Variants in FAM114A2 observed in about 807,000 individuals in gnomAD.
The protein encoded by FAM114A2 is family with sequence similarity 114 member A2, also known as protein FAM114A2.
In FAM114A2, 53 loss-of-function variants were observed where a neutral mutation model predicts 58.4. The ratio of observed to expected loss-of-function variants is 0.91; its 90% confidence interval spans 0.73 to 1.14. FAM114A2 has a LOEUF of 1.14. Ranked by LOEUF, FAM114A2 falls within the 50% of genes most tolerant of loss-of-function variation. The pLI is 0.00. For missense variants in FAM114A2, 601 were observed against 581.1 expected, an observed-to-expected ratio of 1.03 and a Z score of -0.35; for synonymous variants, 228 against 211.4, an observed-to-expected ratio of 1.08 and a Z score of -0.68.
intron 1 of FAM114A2, chr5:154,038,267 A>G (rs1772728588): frequency 6.6e-6 from 1 of 152,212 alleles, no homozygotes; most frequent in Non-Finnish European, 1.5e-5. Context: ...TATTACGTAT[A>G]TATACACTCC....
chr5:154,002,393 G>C lies in FAM114A2; in HGVS notation c.1117-3C>G. The C allele has an allele frequency of 6.2e-7, 1 of 1,612,988 alleles. No individual in the cohort carries two copies. The highest frequency in any genetic ancestry group is 8.5e-7 in the Non-Finnish European group (1 of 1,179,110). Reference sequence around the variant, plus strand: ...CGGATTGCAAACGCATGGATATCCTGGATGGAAAAACAAAACAAAGCATAG... The same window carrying C: ...CGGATTGCAAACGCATGGATATCCTCGATGGAAAAACAAAACAAAGCATAG... On this transcript the variant is annotated splice_polypyrimidine_tract_variant and splice_region_variant and intron_variant, in intron 10 of 13. Coordinates refer to ENST00000351797, the MANE Select transcript of FAM114A2 (RefSeq NM_018691.4).
chr5:153,991,364 AG>A lies in FAM114A2; in HGVS notation c.*1611del, dbSNP rs1233365747. On this transcript the variant is annotated 3_prime_UTR_variant, in exon 14 of 14. Transcript: ENST00000351797. ...GACCAGTTTCTAAACTTTGCCCTCA[AG>A]GGATACAGGTTCAGACACATCAACC... The A allele has an allele frequency of 6.6e-6, 1 of 152,208 alleles. No individual in the cohort carries two copies. The highest frequency in any genetic ancestry group is 1.5e-5 in the Non-Finnish European group (1 of 68,028). 9.4% of individuals were successfully genotyped at this position (152,208 alleles called of 1,614,324 possible).
At chr5:154,009,130 G>A (rs1211493715) in intron 9 of FAM114A2, among the ~76,000 whole-genome samples, 1 of 152,138 alleles carries the variant, frequency 6.6e-6, no homozygotes, top group Non-Finnish European at 1.5e-5. Flanking sequence ...CTCATGTCTT[G>A]GTCTATAAAA....
intron 8 of FAM114A2, among the ~76,000 whole-genome samples, chr5:154,011,695 G>C (rs558258503): frequency 4.5e-4 from 68 of 152,172 alleles, no homozygotes; most frequent in Non-Finnish European, 7.2e-4. Flanking sequence ...CAAGAATATA[G>C]AAATGGTGAC....
At chr5:154,006,161 T>G (rs1450622666) in intron 9 of FAM114A2, among the ~76,000 whole-genome samples, 1 of 152,218 alleles carries the variant, frequency 6.6e-6, no homozygotes, top group Non-Finnish European at 1.5e-5. Flanking sequence ...CAGTGAGATA[T>G]CTAGCAAGAC....
intron 9 of FAM114A2, among the ~76,000 whole-genome samples, chr5:154,006,858 A>T (rs1334681058): frequency 1.4e-5 from 2 of 147,232 alleles, no homozygotes; most frequent in African/African-American, 5.1e-5. Flanking sequence ...GTGCAGTGGC[A>T]TGATCTCAGC....
intron 8 of FAM114A2, among the ~76,000 whole-genome samples, chr5:154,016,230 G>C (rs1771032367): frequency 6.6e-6 from 1 of 152,202 alleles, no homozygotes; most frequent in Admixed American, 6.5e-5. Context: ...AGCCTTGTTA[G>C]AGACTTAGGC....
intron 13 of FAM114A2, among the ~76,000 whole-genome samples, chr5:153,993,741 T>TA (rs1228688070): frequency 2.0e-5 from 3 of 151,852 alleles, no homozygotes; most frequent in Non-Finnish European, 2.9e-5. Context: ...CTCATTAAGA[T>TA]AAAAATGTAT....
At chr5:154,003,054 T>C (rs1189224298) in intron 9 of FAM114A2, 85 bp from the exon 10 acceptor site, 7 of 1,235,264 alleles carry the variant, frequency 5.7e-6, no homozygotes, top group East Asian at 2.3e-5. Context: ...AATAGCATCC[T>C]AGAAGTAAGG....
At chr5:153,994,821 T>C (rs893052602) in intron 13 of FAM114A2, 98 bp downstream of exon 13, 132 of 740,250 alleles carry the variant, frequency 1.8e-4, no homozygotes, top group Non-Finnish European at 5.1e-5. Flanking sequence ...AAACTACCAA[T>C]ATGGTGAATA....
chr5:154,007,678 T>C (rs1770443648), intron 9 of FAM114A2, among the ~76,000 whole-genome samples: 1 of 152,232 alleles, frequency 6.6e-6, no homozygotes, highest in African/African-American at 2.4e-5. Context: ...TTTTCATGAT[T>C]ATTTCCCTAG....
Position 154,027,227 on chromosome 5 carries a change from G to C in FAM114A2, c.738C>G (p.Gly246=). The C allele has an allele frequency of 6.2e-7, 1 of 1,613,536 alleles. No individual in the cohort carries two copies. The highest frequency in any genetic ancestry group is 1.1e-5 in the South Asian group (1 of 91,062). The part of the protein sequence containing the change: ...HYGLLFDEFQ[G]LSHLEALEML... The stretch of plus-strand genomic sequence containing the variant: ...TCTCCAGAGCTTCTAGATGTGAAAG[G>C]CCTTGAAATTCATCAAAGAGTAGCC... Residue 246 remains glycine, a synonymous_variant, in exon 7 of 14, where the codon GGC becomes GGG. Transcript: ENST00000351797.
At chr5:153,995,816 A>G (rs1337928655) in intron 12 of FAM114A2, among the ~76,000 whole-genome samples, 2 of 152,176 alleles carry the variant, frequency 1.3e-5, no homozygotes, top group Admixed American at 6.5e-5. Context: ...TAAAATCCCC[A>G]AAAGACTTTA....
At chr5:154,019,760 C>T (rs184451432) in intron 8 of FAM114A2, among the ~76,000 whole-genome samples, 2 of 152,192 alleles carry the variant, frequency 1.3e-5, no homozygotes, top group Admixed American at 1.3e-4. Context: ...TTTCACAAAG[C>T]AAACAAAAAC....
chr5:154,020,039 AATG>A (rs1309264690), intron 8 of FAM114A2, among the ~76,000 whole-genome samples: 1 of 152,256 alleles, frequency 6.6e-6, no homozygotes, highest in Non-Finnish European at 1.5e-5. Context: ...CCTGCTCCTG[AATG>A]ACCACTGGGT....
Position 153,992,001 on chromosome 5 carries a change from AAAAC to A in FAM114A2, c.*971_*974del, listed in dbSNP as rs1335810680. On this transcript the variant is annotated 3_prime_UTR_variant, in exon 14 of 14. Coordinates refer to ENST00000351797, the MANE Select transcript of FAM114A2 (RefSeq NM_018691.4). Reference sequence around the variant, plus strand: ...TCAAAAACATGCTAAAGAATACATTAAAACAAACAAAAAGGAAAGAGGAAAAAAT... The same window carrying A: ...TCAAAAACATGCTAAAGAATACATTAAAACAAAAAGGAAAGAGGAAAAAAT... 2 of 152,210 alleles carry A rather than the reference AAAAC, an allele frequency of 1.3e-5. No homozygotes were observed. Among genetic ancestry groups the A allele is most frequent in the Admixed American group, 6.5e-5 (1 of 15,286 alleles). The allele number at this position is 152,210 out of a possible 1,614,324, so 9.4% of individuals were successfully genotyped here.
In FAM114A2 at chr5:154,033,759, AATTCTAGGTCTTTATGTTTCC is replaced by A. The variant is rs754498545; in HGVS notation, c.403+11_403+31del. The stretch of plus-strand genomic sequence containing the variant: ...GTTCAACTGTTCCATTTCAATTCAT[AATTCTAGGTCTTTATGTTTCC>A]ATATACTGACCTGCTACATACTTGA... On this transcript the variant is annotated intron_variant, in intron 4 of 13. Transcript: ENST00000351797. 5.5e-6 allele frequency: 7 copies of A among 1,263,244 alleles called. No homozygotes were observed. In the East Asian group the frequency reaches 1.4e-4, roughly 25 times the overall value. The allele number at this position is 1,263,244 out of a possible 1,614,324, so 78.3% of individuals were successfully genotyped here. A position where few individuals can be genotyped will look rare whatever the true frequency, so the allele number is the denominator to read the frequency against.
At position 154,029,375 on chromosome 5, in the gene FAM114A2, G is replaced by C. The variant is rs186341166; in HGVS notation, c.495+114C>G. On this transcript the variant is annotated intron_variant, in intron 5 of 13. Transcript: ENST00000351797. ...AAAGTGACCGATCTTCAGTGGCTTG[G>C]ACTCCTTTAAAAGTAATCAGTCCAC... 113 of 642,170 alleles carry C rather than the reference G, an allele frequency of 1.8e-4. 1 individual carries two copies. The highest frequency in any genetic ancestry group is 8.3e-6 in the Non-Finnish European group (3 of 363,342). 39.8% of individuals were successfully genotyped at this position (642,170 alleles called of 1,614,324 possible). A position where few individuals can be genotyped will look rare whatever the true frequency, so the allele number is the denominator to read the frequency against.
chr5:154,004,925 T>A (rs903976205), intron 9 of FAM114A2, among the ~76,000 whole-genome samples: 14 of 152,178 alleles, frequency 9.2e-5, no homozygotes, highest in Admixed American at 6.5e-4. Context: ...GTAACAGGTC[T>A]CCATGACCTA....
Sources: gnomAD v4.1 joint callset for allele counts (sites outside exome capture counted in the v4.1 genomes callset) on GRCh38, gnomAD v4.1.1 for gene constraint, MANE v1.5 for transcripts, NCBI Gene and HGNC (gene_info 2026-07-23, HGNC 2026-07-21) for gene names.